The following RGS6 variants were observed in gnomAD, a reference collection of about 807,000 sequenced individuals.
RGS6 encodes regulator of G protein signaling 6.
Under a neutral mutation model 78.5 loss-of-function variants are expected in RGS6, and 30 were observed. That is an observed-to-expected ratio of 0.38 (90% CI 0.29 to 0.52). The LOEUF is 0.52. Among genes scored for constraint, RGS6 ranks in the 20% least tolerant of loss-of-function variants. The pLI is 0.85. For missense variants in RGS6, 495 were observed against 609.7 expected (o/e 0.81, Z 1.98); for synonymous variants, 206 against 206.0 (o/e 1.00, Z 0.00).
At chr14:71,997,322 T>C (rs935220099) in intron 2 of RGS6, among the ~76,000 whole-genome samples, 8 of 152,176 alleles carry the variant, frequency 5.3e-5, no homozygotes, top group African/African-American at 1.7e-4. Flanking sequence ...TTGAGATGCC[T>C]GTGGGAAGTC....
chr14:72,402,497 G>GA (rs1377060958), intron 3 of RGS6, among the ~76,000 whole-genome samples: 1 of 151,952 alleles, frequency 6.6e-6, no homozygotes, highest in Non-Finnish European at 1.5e-5. Context: ...AGAGGTATAT[G>GA]AAAAAAATGT....
intron 2 of RGS6, among the ~76,000 whole-genome samples, chr14:72,318,367 G>A (rs918101449): frequency 3.9e-5 from 6 of 152,126 alleles, no homozygotes; most frequent in East Asian, 1.9e-4. Flanking sequence ...GGATGGGTCT[G>A]CCTTTCCCAG....
chr14:71,978,618 T>A (rs1419301722), intron 2 of RGS6, among the ~76,000 whole-genome samples: 4 of 138,100 alleles, frequency 2.9e-5, no homozygotes, highest in African/African-American at 8.1e-5. Flanking sequence ...GAAGCCCACT[T>A]GATCATGGTG....
At chr14:72,182,333 G>A (rs1042901100) in intron 2 of RGS6, among the ~76,000 whole-genome samples, 4 of 151,268 alleles carry the variant, frequency 2.6e-5, no homozygotes, top group Admixed American at 6.6e-5. Context: ...CCAGCTACTC[G>A]GGAGGCTGAG....
At chr14:72,567,465 C>G (rs548925652), downstream of RGS6, among the ~76,000 whole-genome samples, 1 of 152,178 alleles carries the variant, frequency 6.6e-6, no homozygotes, top group Non-Finnish European at 1.5e-5. Context: ...CTACCCTGAC[C>G]GCCACGAGCA....
At chr14:72,343,433 G>A (rs1444993601) in intron 2 of RGS6, among the ~76,000 whole-genome samples, 1 of 152,172 alleles carries the variant, frequency 6.6e-6, no homozygotes, top group Non-Finnish European at 1.5e-5. Flanking sequence ...GGACCCATGT[G>A]ATTCACTGAG....
downstream of RGS6, among the ~76,000 whole-genome samples, chr14:72,570,327 T>C (rs993376143): frequency 6.6e-6 from 1 of 151,996 alleles, no homozygotes; most frequent in Non-Finnish European, 1.5e-5. Flanking sequence ...TTGGTATCCG[T>C]GGGAAAAGGG....
intron 2 of RGS6, 107 bp from the exon 3 acceptor site, chr14:72,351,988 T>A: frequency 1.3e-6 from 1 of 752,900 alleles, no homozygotes; most frequent in Admixed American, 2.8e-5. Context: ...CTTTTTGTGA[T>A]ATCTATTGTT....
At chr14:72,152,241 A>AGTGT (rs1191120897) in intron 2 of RGS6, among the ~76,000 whole-genome samples, 1 of 118,770 alleles carries the variant, frequency 8.4e-6, no homozygotes, top group African/African-American at 2.8e-5. Context: ...AGAGAGAGAG[A>AGTGT]GAGAGTGTGT....
chr14:72,557,448 G>A (rs897946683), intron 17 of RGS6, among the ~76,000 whole-genome samples: 8 of 152,180 alleles, frequency 5.3e-5, no homozygotes, highest in Admixed American at 1.3e-4. Flanking sequence ...GGAGTCACCC[G>A]ATGAAGTCAG....
At chr14:72,598,985 A>G in the RGS6 span, among the ~76,000 whole-genome samples, 1 of 150,532 alleles carries the variant, frequency 6.6e-6, no homozygotes, top group African/African-American at 2.5e-5. Context: ...GCATTGGGAG[A>G]CCCAGTGCAG....
At chr14:72,366,784 C>A (rs544781262) in intron 3 of RGS6, among the ~76,000 whole-genome samples, 2 of 152,294 alleles carry the variant, frequency 1.3e-5, no homozygotes, top group South Asian at 4.1e-4. Flanking sequence ...TCTATCCACG[C>A]CCCACCTGCC....
chr14:71,981,176 A>C (rs895061880), intron 2 of RGS6, among the ~76,000 whole-genome samples: 1 of 149,116 alleles, frequency 6.7e-6, no homozygotes, highest in Non-Finnish European at 1.5e-5. Flanking sequence ...AATTTTTTTC[A>C]AAGTTTTCAA....
chr14:72,107,156 G>T (rs1241656811), intron 2 of RGS6, among the ~76,000 whole-genome samples: 10 of 151,826 alleles, frequency 6.6e-5, no homozygotes, highest in Non-Finnish European at 1.5e-4. Context: ...CCGGTTGAAT[G>T]CTCAGTTTTC....
rs768351003 is a variant in RGS6 at position 72,352,132 on chromosome 14, CAG to C, written c.123_124del (p.Gly43CysfsTer21). The C allele has an allele frequency of 1.2e-6, 2 of 1,613,428 alleles. No homozygotes were observed. Among genetic ancestry groups the C allele is most frequent in the South Asian group, 1.1e-5 (1 of 90,882 alleles). On this transcript the variant is annotated frameshift_variant, in exon 3 of 18. Transcript: ENST00000553525. LOFTEE classifies it high-confidence loss of function. ...ATTACAAAGATGCAAGATGACAAGACAGGGGGTGTGCCCATCAGAACAGTCAA... is the reference window on the plus strand; with the variant it reads ...ATTACAAAGATGCAAGATGACAAGACGGGGTGTGCCCATCAGAACAGTCAA...
chr14:72,105,449 T>C lies in RGS6; in HGVS notation c.84+140574T>C, dbSNP rs528084529. ...AGCAGGCATACAGACATTTGTGGAA[T>C]TGAATGTATTAGCTAGATAAATCTT... is the stretch of plus-strand genomic sequence containing the variant. On this transcript the variant is annotated intron_variant, in intron 2 of 17. Coordinates refer to ENST00000553525, the MANE Select transcript of RGS6 (RefSeq NM_001204424.2). 5.9e-5 allele frequency among the ~76,000 whole-genome samples: 9 copies of C among 152,358 alleles called. No homozygotes were observed. The South Asian group carries it at 1.9e-3, about 32-fold the overall frequency.
At position 71,979,438 on chromosome 14, in the gene RGS6, C is replaced by T. The variant is rs1163327457; in HGVS notation, c.84+14563C>T. ...TTCCCTCTACACACTGCTTTGAATGCGTCCCAGAGATTCTGGTATGTTGTG... is the reference window on the plus strand; with the variant it reads ...TTCCCTCTACACACTGCTTTGAATGTGTCCCAGAGATTCTGGTATGTTGTG... On this transcript the variant is annotated intron_variant, in intron 2 of 17. Coordinates refer to ENST00000553525, the MANE Select transcript of RGS6 (RefSeq NM_001204424.2). Among the ~76,000 whole-genome samples, 339 of 151,130 alleles carry T rather than the reference C, an allele frequency of 2.2e-3. 4 individuals carry two copies. The highest frequency in any genetic ancestry group is 7.4e-3 in the African/African-American group (304 of 41,080).
chr14:72,557,389 CT>C (rs1177440994), intron 17 of RGS6, among the ~76,000 whole-genome samples: 1 of 152,194 alleles, frequency 6.6e-6, no homozygotes, highest in African/African-American at 2.4e-5. Context: ...AAAATCATTT[CT>C]TTTGCTTTGC....
At chr14:72,182,521 C>T (rs1353338746) in intron 2 of RGS6, among the ~76,000 whole-genome samples, 1 of 152,016 alleles carries the variant, frequency 6.6e-6, no homozygotes, top group Non-Finnish European at 1.5e-5. Context: ...GCACTCCTTG[C>T]ACTCCGTAGT....
Sources: allele counts gnomAD v4.1 joint callset (sites outside exome capture counted in the v4.1 genomes callset), GRCh38; gene constraint gnomAD v4.1.1; transcripts MANE v1.5; gene names NCBI Gene and HGNC (gene_info 2026-07-23, HGNC 2026-07-21).